Variants in DNM3 observed in about 807,000 individuals in gnomAD.
The protein encoded by DNM3 is dynamin-3.
DNM3 carries 47 observed loss-of-function variants against 101.6 expected under a neutral mutation model. That is an observed-to-expected ratio of 0.46 (90% CI 0.37 to 0.59). The LOEUF (loss-of-function observed/expected upper bound fraction) is 0.59. Among genes scored for constraint, DNM3 ranks in the 20% least tolerant of loss-of-function variants. The pLI is 0.00. For missense variants in DNM3, 849 were observed against 1,085.7 expected, an observed-to-expected ratio of 0.78 and a Z score of 3.06; for synonymous variants, 385 against 387.9, an observed-to-expected ratio of 0.99 and a Z score of 0.09.
intron 16 of DNM3, among the ~76,000 whole-genome samples, chr1:172,317,801 A>T (rs1405247879): frequency 6.6e-6 from 1 of 152,230 alleles, no homozygotes; most frequent in Non-Finnish European, 1.5e-5. Context: ...GCCGAATTCT[A>T]CCAGAGGTAC....
intron 16 of DNM3, chr1:172,309,939 A>G (rs1235574324): frequency 6.6e-6 from 1 of 152,190 alleles, no homozygotes; most frequent in Non-Finnish European, 1.5e-5. Context: ...TGCATGCTAT[A>G]CTTGTCATCC....
In DNM3 at chr1:172,190,703, C is replaced by T. The variant is rs577508570; in HGVS notation, c.1659+59415C>T. ...TTGTTTCCTGACTTTTTAATGATTG[C>T]CATTCTAACTGGTGTGAGATGGTAT... On this transcript the variant is annotated intron_variant, in intron 14 of 20. Transcript: ENST00000627582. Among the ~76,000 whole-genome samples the T allele has an allele frequency of 2.0e-4, 31 of 152,184 alleles. No individual in the cohort carries two copies. The East Asian group carries it at 6.0e-3, about 29-fold the overall frequency.
At chr1:172,170,444 C>T (rs376085021) in intron 14 of DNM3, among the ~76,000 whole-genome samples, 119 of 151,896 alleles carry the variant, frequency 7.8e-4, no homozygotes, top group African/African-American at 2.5e-3. Flanking sequence ...AGCTGTGAAA[C>T]TTGGGTTCTT....
At chr1:171,922,574 A>G (rs2040261700) in intron 2 of DNM3, among the ~76,000 whole-genome samples, 1 of 152,238 alleles carries the variant, frequency 6.6e-6, no homozygotes, top group South Asian at 2.1e-4. Context: ...GACCAATAGA[A>G]GTTAACAGTT....
intron 1 of DNM3, among the ~76,000 whole-genome samples, chr1:171,888,844 G>A (rs2037004098): frequency 6.6e-6 from 1 of 152,186 alleles, no homozygotes; most frequent in Non-Finnish European, 1.5e-5. Flanking sequence ...AAGCAAGGCA[G>A]CATTGGGTAT....
At chr1:172,388,904 G>A in intron 20 of DNM3, 95 bp downstream of exon 20, 3 of 1,089,304 alleles carry the variant, frequency 2.8e-6, no homozygotes, top group Non-Finnish European at 4.0e-6. Context: ...AAATTGCAAA[G>A]ATCTTATCGT....
intron 14 of DNM3, among the ~76,000 whole-genome samples, chr1:172,207,470 T>C (rs189209998): frequency 6.6e-6 from 1 of 152,222 alleles, no homozygotes; most frequent in East Asian, 1.9e-4. Flanking sequence ...TTATTTTTGT[T>C]CTAGAAACAT....
At chr1:171,870,773 T>C (rs1396182063) in intron 1 of DNM3, among the ~76,000 whole-genome samples, 2 of 152,006 alleles carry the variant, frequency 1.3e-5, no homozygotes, top group African/African-American at 4.8e-5. Flanking sequence ...CTGAACACAA[T>C]CAGGTACCCA....
At chr1:172,029,432 A>G (rs1188838609) in intron 4 of DNM3, among the ~76,000 whole-genome samples, 3 of 152,190 alleles carry the variant, frequency 2.0e-5, no homozygotes, top group African/African-American at 7.2e-5. Flanking sequence ...ATTTATGACA[A>G]ACCCACAGCC....
chr1:172,119,571 G>A (rs544355017), intron 13 of DNM3, among the ~76,000 whole-genome samples: 1 of 151,784 alleles, frequency 6.6e-6, no homozygotes, highest in South Asian at 2.1e-4. Flanking sequence ...CTCAGTCCTG[G>A]GCCCTCTTCT....
At chr1:172,041,983 A>C in intron 7 of DNM3, 26 bp from the exon 8 acceptor site, 14 of 1,556,552 alleles carry the variant, frequency 9.0e-6, no homozygotes, top group Non-Finnish European at 1.1e-5. Flanking sequence ...CTTTGACTTG[A>C]ATCTATTTCT....
At chr1:172,169,504 T>C (rs1298969172) in intron 14 of DNM3, among the ~76,000 whole-genome samples, 2 of 151,992 alleles carry the variant, frequency 1.3e-5, no homozygotes, top group East Asian at 1.9e-4. Context: ...TGGTTGAGCC[T>C]GACTTTTTGG....
intron 14 of DNM3, chr1:172,139,055 C>G (rs780261433): frequency 1.5e-4 from 54 of 360,232 alleles, no homozygotes; most frequent in African/African-American, 3.1e-4. Flanking sequence ...ACAAGTTAGA[C>G]TTTTGACTTT....
chr1:172,302,294 G>A (rs1438570492), intron 15 of DNM3, among the ~76,000 whole-genome samples: 3 of 152,230 alleles, frequency 2.0e-5, no homozygotes, highest in Non-Finnish European at 4.4e-5. Context: ...AGATTGACTT[G>A]CCAGGCAGCA....
chr1:171,872,569 T>C (rs2035392794), intron 1 of DNM3, among the ~76,000 whole-genome samples: 1 of 152,186 alleles, frequency 6.6e-6, no homozygotes, highest in African/African-American at 2.4e-5. Flanking sequence ...CCTAGGAAAG[T>C]GAAGTCAGGA....
intron 17 of DNM3, among the ~76,000 whole-genome samples, chr1:172,336,755 A>G (rs2066450408): frequency 6.6e-6 from 1 of 151,194 alleles, no homozygotes. Context: ...CTGCAACTGC[A>G]CACCTATTGA....
intron 14 of DNM3, among the ~76,000 whole-genome samples, chr1:172,178,421 C>G (rs982597666): frequency 6.6e-6 from 1 of 151,798 alleles, no homozygotes; most frequent in Non-Finnish European, 1.5e-5. Flanking sequence ...GTACTTGAGT[C>G]TGTATAATTC....
downstream of DNM3, chr1:172,415,524 G>GTTTTTTTTTTTTTTTTTTTTTTTT (rs386368747): frequency 1.0e-5 from 1 of 99,130 alleles, no homozygotes; most frequent in Non-Finnish European, 1.9e-5. Flanking sequence ...TTTTTTGTGA[G>GTTTTTTTTTTTTTTTTTTTTTTTT]TTTTTTTTTT....
intron 1 of DNM3, among the ~76,000 whole-genome samples, chr1:171,915,317 C>T (rs113680024): frequency 6.6e-6 from 1 of 152,168 alleles, no homozygotes; most frequent in African/African-American, 2.4e-5. Context: ...ATAGAACTTA[C>T]ATCACTGTTA....
Sources: allele counts gnomAD v4.1 joint callset (sites outside exome capture counted in the v4.1 genomes callset), GRCh38; gene constraint gnomAD v4.1.1; transcripts MANE v1.5; gene names NCBI Gene and HGNC (gene_info 2026-07-23, HGNC 2026-07-21).